Variants in SGCZ observed in about 807,000 individuals in gnomAD.
SGCZ encodes zeta-sarcoglycan.
Under a neutral mutation model 41.3 loss-of-function variants are expected in SGCZ, and 40 were observed. The observed-to-expected ratio is 0.97, with a 90% CI of 0.75 to 1.26. SGCZ has a LOEUF of 1.26. Among genes scored for constraint, SGCZ ranks in the 50% most tolerant of loss-of-function variants. The pLI, the probability that SGCZ is intolerant of heterozygous loss-of-function variation, is 0.00. For missense variants in SGCZ, 552 were observed against 369.8 expected (o/e 1.49, Z -4.04); for synonymous variants, 206 against 137.5 (o/e 1.50, Z -3.49).
chr8:14,442,886 G>T (rs898602119), intron 2 of SGCZ, among the ~76,000 whole-genome samples: 1 of 152,144 alleles, frequency 6.6e-6, no homozygotes, highest in African/African-American at 2.4e-5. Context: ...GTTTGCAGAT[G>T]ACATGATTGT....
chr8:14,555,111 A>T lies in SGCZ; in HGVS notation c.40-185T>A, dbSNP rs535818515. On this transcript the variant is annotated intron_variant, in intron 1 of 7. Transcript: ENST00000382080. ...AACTTCGAATCATTTTGTTCAATAT[A>T]GTTTTTTAGAGATGTTTAATTCATT... Among the ~76,000 whole-genome samples, 3 of 152,146 alleles carry T rather than the reference A, an allele frequency of 2.0e-5. No individual in the cohort carries two copies. In the South Asian group the frequency reaches 6.2e-4, roughly 32 times the overall value.
At chr8:14,461,057 AGAAAAGATAT>A (rs1465235362) in intron 2 of SGCZ, among the ~76,000 whole-genome samples, 1 of 152,090 alleles carries the variant, frequency 6.6e-6, no homozygotes, top group Non-Finnish European at 1.5e-5. Flanking sequence ...CACCACCCTG[AGAAAAGATAT>A]GAAAAGGAAT....
At chr8:14,675,812 C>T (rs896172303) in intron 1 of SGCZ, among the ~76,000 whole-genome samples, 1 of 152,152 alleles carries the variant, frequency 6.6e-6, no homozygotes, top group Non-Finnish European at 1.5e-5. Flanking sequence ...AAGATGAGCT[C>T]ATTGCATGGA....
At chr8:15,168,408 T>C (rs1488856650) in intron 1 of SGCZ, among the ~76,000 whole-genome samples, 1 of 152,138 alleles carries the variant, frequency 6.6e-6, no homozygotes, top group Non-Finnish European at 1.5e-5. Flanking sequence ...GAAAGAGATA[T>C]AGGTGAGAGC....
intron 1 of SGCZ, among the ~76,000 whole-genome samples, chr8:15,216,555 A>T (rs931551364): frequency 2.6e-5 from 4 of 152,048 alleles, no homozygotes; most frequent in African/African-American, 9.7e-5. Flanking sequence ...GACGTAACAA[A>T]GACCCTGTAC....
rs889235634 is a variant in SGCZ at position 14,257,923 on chromosome 8, T to A, written c.337-20244A>T. 2.0e-5 allele frequency among the ~76,000 whole-genome samples: 3 copies of A among 152,322 alleles called. No homozygotes were observed. The South Asian group carries it at 6.2e-4, about 32-fold the overall frequency. ...CTGGAAAGATATAGATATAGATATA[T>A]AGACATATCTACCTACCAATTCAAG... On this transcript the variant is annotated intron_variant, in intron 3 of 7. Transcript: ENST00000382080.
At chr8:14,103,511 T>G (rs901765854) in intron 6 of SGCZ, among the ~76,000 whole-genome samples, 3 of 152,134 alleles carry the variant, frequency 2.0e-5, no homozygotes, top group Non-Finnish European at 4.4e-5. Context: ...TTCAGAGTTG[T>G]TTTGCAGAAA....
At chr8:15,015,839 T>G (rs1261395163) in intron 1 of SGCZ, among the ~76,000 whole-genome samples, 2 of 150,890 alleles carry the variant, frequency 1.3e-5, no homozygotes, top group African/African-American at 4.9e-5. Context: ...GCCAATTTAT[T>G]AAAATTCTTA....
At chr8:14,558,982 A>G (rs774260052) in intron 1 of SGCZ, among the ~76,000 whole-genome samples, 9 of 152,100 alleles carry the variant, frequency 5.9e-5, no homozygotes, top group Non-Finnish European at 1.3e-4. Flanking sequence ...ACATACCTCA[A>G]TGTAATAAAA....
chr8:14,303,810 G>A (rs1168231823), intron 3 of SGCZ, among the ~76,000 whole-genome samples: 1 of 152,042 alleles, frequency 6.6e-6, no homozygotes, highest in Non-Finnish European at 1.5e-5. Flanking sequence ...GGAGTGAAGT[G>A]GCGCGATCTC....
chr8:15,114,442 A>G (rs183127364), intron 1 of SGCZ, among the ~76,000 whole-genome samples: 47 of 152,358 alleles, frequency 3.1e-4, no homozygotes, highest in African/African-American at 1.1e-3. Flanking sequence ...AAAATGTATA[A>G]GGCATTCTCT....
intron 1 of SGCZ, among the ~76,000 whole-genome samples, chr8:14,618,964 G>A (rs566319225): frequency 3.9e-5 from 6 of 152,214 alleles, no homozygotes; most frequent in East Asian, 3.9e-4. Flanking sequence ...ATGGAAAATC[G>A]AAGAAATCTA....
At chr8:14,434,000 TA>T (rs1800017825) in intron 2 of SGCZ, among the ~76,000 whole-genome samples, 3 of 152,370 alleles carry the variant, frequency 2.0e-5, no homozygotes, top group Admixed American at 2.0e-4. Context: ...TTTTTATTTT[TA>T]CTGCATTTGA....
At chr8:14,573,637 C>G (rs1247114557) in intron 1 of SGCZ, among the ~76,000 whole-genome samples, 1 of 151,990 alleles carries the variant, frequency 6.6e-6, no homozygotes, top group African/African-American at 2.4e-5. Flanking sequence ...TTTATCTTTT[C>G]TGTTCTCTTA....
At chr8:14,827,863 G>C (rs902325332) in intron 1 of SGCZ, among the ~76,000 whole-genome samples, 3 of 151,900 alleles carry the variant, frequency 2.0e-5, no homozygotes, top group East Asian at 3.9e-4. Flanking sequence ...CACACACACA[G>C]ACACACATAT....
chr8:15,236,409 C>T lies in SGCZ; in HGVS notation c.39+1176G>A, dbSNP rs139464239. Among the ~76,000 whole-genome samples, 276 of 151,772 alleles carry T rather than the reference C, an allele frequency of 1.8e-3. 1 individual carries two copies. The highest frequency in any genetic ancestry group is 6.5e-3 in the African/African-American group (268 of 41,132). On this transcript the variant is annotated intron_variant, in intron 1 of 7. Transcript: ENST00000382080. Reference sequence around the variant, plus strand: ...AACCCATTTCCTTGACATTTCAGGGCAAACCTCTATTCGTCGTTTCTCCAG... The same window carrying T: ...AACCCATTTCCTTGACATTTCAGGGTAAACCTCTATTCGTCGTTTCTCCAG...
intron 1 of SGCZ, among the ~76,000 whole-genome samples, chr8:15,172,166 T>TTATTTA (rs1563164722): frequency 7.5e-6 from 1 of 133,694 alleles, no homozygotes; most frequent in Admixed American, 7.7e-5. Context: ...TTTTTTTTTT[T>TTATTTA]TTTTTTTTTT....
chr8:14,358,439 C>CTGTCACCAGA (rs1270274801), intron 2 of SGCZ, among the ~76,000 whole-genome samples: 1 of 152,036 alleles, frequency 6.6e-6, no homozygotes, highest in Non-Finnish European at 1.5e-5. Context: ...AGAAGTCTTA[C>CTGTCACCAGA]TGTCACCAGA....
At chr8:14,426,016 A>G (rs150124702) in intron 2 of SGCZ, among the ~76,000 whole-genome samples, 4 of 152,330 alleles carry the variant, frequency 2.6e-5, no homozygotes, top group African/African-American at 9.6e-5. Flanking sequence ...ATTAACATTA[A>G]TTGCAATTTA....
Sources: allele counts gnomAD v4.1 joint callset (sites outside exome capture counted in the v4.1 genomes callset), GRCh38; gene constraint gnomAD v4.1.1; transcripts MANE v1.5; gene names NCBI Gene and HGNC (gene_info 2026-07-23, HGNC 2026-07-21).